TRHR: variants seen among roughly 807,000 people sequenced by gnomAD.
The protein encoded by TRHR is thyrotropin-releasing hormone receptor.
Under a neutral mutation model 28.0 loss-of-function variants are expected in TRHR, and 14 were observed. That is an observed-to-expected ratio of 0.50 (90% CI 0.33 to 0.78). The LOEUF is 0.78. Among genes scored for constraint, TRHR ranks in the 30% least tolerant of loss-of-function variants. The pLI, the probability that TRHR is intolerant of heterozygous loss-of-function variation, is 0.02. For synonymous variants in TRHR, 176 were observed against 171.9 expected (o/e 1.02, Z -0.18); for missense variants, 438 against 469.5 (o/e 0.93, Z 0.62).
chr8:109,104,275 T>G (rs917320421), intron 2 of TRHR, among the ~76,000 whole-genome samples: 1 of 152,126 alleles, frequency 6.6e-6, no homozygotes, highest in African/African-American at 2.4e-5. Context: ...CACTGAGCAA[T>G]ATAAAATATT....
intron 2 of TRHR, among the ~76,000 whole-genome samples, chr8:109,117,441 T>G (rs1418409124): frequency 6.6e-6 from 1 of 151,924 alleles, no homozygotes; most frequent in East Asian, 1.9e-4. Flanking sequence ...TTTTTCAGAT[T>G]ACTTGGGCCA....
chr8:109,119,693 T>G lies in TRHR; in HGVS notation c.*238T>G. On this transcript the variant is annotated 3_prime_UTR_variant, in exon 3 of 3. Coordinates refer to ENST00000518632, the MANE Select transcript of TRHR (RefSeq NM_003301.7). ...TGTGAAATAGCTAAATGATGGAAAC[T>G]TAAAGTTTAGCCCTTTTCATTTAAC... 1 of 491,400 alleles carries G rather than the reference T, an allele frequency of 2.0e-6. No individual in the cohort carries two copies. Among genetic ancestry groups the G allele is most frequent in the South Asian group, 3.4e-5 (1 of 29,338 alleles). 30.4% of individuals were successfully genotyped at this position (491,400 alleles called of 1,614,324 possible). A position where few individuals can be genotyped will look rare whatever the true frequency, so the allele number is the denominator to read the frequency against.
chr8:109,103,746 A>C (rs1811710914), intron 2 of TRHR, among the ~76,000 whole-genome samples: 1 of 152,132 alleles, frequency 6.6e-6, no homozygotes, highest in African/African-American at 2.4e-5. Flanking sequence ...CTAATGAATA[A>C]CAGTTTCTGT....
chr8:109,106,439 T>C (rs535130808), intron 2 of TRHR, among the ~76,000 whole-genome samples: 9 of 152,180 alleles, frequency 5.9e-5, no homozygotes, highest in African/African-American at 9.6e-5. Context: ...ATAAATCATA[T>C]TGAGTTAGCA....
At chr8:109,110,073 C>T (rs149308938) in intron 2 of TRHR, among the ~76,000 whole-genome samples, 102 of 152,322 alleles carry the variant, frequency 6.7e-4, no homozygotes, top group African/African-American at 2.4e-3. Flanking sequence ...CCTACTGGTG[C>T]ATGCAGCCCC....
At chr8:109,093,542 A>ATT (rs1811545518) in intron 2 of TRHR, among the ~76,000 whole-genome samples, 1 of 148,370 alleles carries the variant, frequency 6.7e-6, no homozygotes, top group Admixed American at 6.9e-5. Flanking sequence ...AGTAGCTGGG[A>ATT]TTACAGGCAT....
chr8:109,115,369 G>C (rs925520983), intron 2 of TRHR, among the ~76,000 whole-genome samples: 1 of 152,058 alleles, frequency 6.6e-6, no homozygotes. Flanking sequence ...AGCTTGATGG[G>C]GATGGCATTG....
rs1221836347 is a variant in TRHR, at chr8:109,120,233, A to C, written c.*778A>C. 6.6e-6 allele frequency among the ~76,000 whole-genome samples: 1 copy of C among 151,944 alleles called. No individual in the cohort carries two copies. Among genetic ancestry groups the C allele is most frequent in the Non-Finnish European group, 1.5e-5 (1 of 67,900 alleles). ...CCAGATTAAGTAACTGTGAAGATAC[A>C]AACTAACATACAATTAAATTTGAAA... On this transcript the variant is annotated 3_prime_UTR_variant, in exon 3 of 3. Coordinates refer to ENST00000518632, the MANE Select transcript of TRHR (RefSeq NM_003301.7).
At chr8:109,098,027 G>A (rs888108431) in intron 2 of TRHR, among the ~76,000 whole-genome samples, 2 of 151,968 alleles carry the variant, frequency 1.3e-5, no homozygotes, top group African/African-American at 2.4e-5. Flanking sequence ...TTTTATGACC[G>A]CAGTTCCAGT....
chr8:109,115,984 C>G (rs1323828965), intron 2 of TRHR, among the ~76,000 whole-genome samples: 1 of 152,056 alleles, frequency 6.6e-6, no homozygotes, highest in Non-Finnish European at 1.5e-5. Flanking sequence ...CCATCAATAC[C>G]TAATTTATTG....
At chr8:109,114,286 G>A (rs181711658) in intron 2 of TRHR, among the ~76,000 whole-genome samples, 14 of 151,938 alleles carry the variant, frequency 9.2e-5, no homozygotes, top group Non-Finnish European at 1.9e-4. Flanking sequence ...CTGCAAGCTC[G>A]CTCTCTAAAT....
intron 2 of TRHR, among the ~76,000 whole-genome samples, chr8:109,092,748 T>G (rs1315127621): frequency 6.6e-6 from 1 of 152,134 alleles, no homozygotes; most frequent in African/African-American, 2.4e-5. Context: ...ACAACTTTCC[T>G]TTTTAAAGTA....
intron 2 of TRHR, among the ~76,000 whole-genome samples, chr8:109,117,739 A>T (rs756289106): frequency 2.3e-4 from 35 of 152,022 alleles, no homozygotes; most frequent in Middle Eastern, 3.4e-3. Context: ...ATTTACTTAT[A>T]TATATTTTTT....
intron 2 of TRHR, among the ~76,000 whole-genome samples, chr8:109,107,614 A>G (rs530642707): frequency 2.0e-4 from 30 of 152,308 alleles, no homozygotes; most frequent in Admixed American, 1.3e-3. Context: ...TTGTAGGCTC[A>G]AATTATGTTC....
At chr8:109,110,125 A>G (rs1248717025) in intron 2 of TRHR, among the ~76,000 whole-genome samples, 1 of 152,162 alleles carries the variant, frequency 6.6e-6, no homozygotes, top group East Asian at 1.9e-4. Flanking sequence ...TGTCTTGCTC[A>G]TAAAAGAACC....
At position 109,119,406 on chromosome 8, in the gene TRHR, C is replaced by G; in HGVS notation, c.1148C>G (p.Ser383Cys). ...ACTTACCTGTCTGCCACAAAAGTGTCTTTTGATGACACCTGCTTGGCTTCT... is the reference window on the plus strand; with the variant it reads ...ACTTACCTGTCTGCCACAAAAGTGTGTTTTGATGACACCTGCTTGGCTTCT... The part of the protein sequence containing the change: ...TDTYLSATKV[S>C]FDDTCLASEV... Residue 383 changes from serine to cysteine, a missense_variant, in exon 3 of 3, where the codon TCT (serine) becomes TGT (cysteine). Transcript: ENST00000518632. The G allele has an allele frequency of 1.2e-6, 2 of 1,612,366 alleles. No homozygotes were observed. The highest frequency in any genetic ancestry group is 1.7e-6 in the Non-Finnish European group (2 of 1,178,986).
At position 109,106,353 on chromosome 8, in the gene TRHR, G is replaced by T. The variant is rs557350018; in HGVS notation, c.790-12695G>T. Among the ~76,000 whole-genome samples the T allele has an allele frequency of 5.9e-5, 9 of 152,202 alleles. No homozygotes were observed. In the East Asian group the frequency reaches 1.7e-3, roughly 29 times the overall value. On this transcript the variant is annotated intron_variant, in intron 2 of 2. Transcript: ENST00000518632. Reference sequence around the variant, plus strand: ...GTCAAACTGAGCTTTGTATCTTTTGGAGGCAAATCCCATTTTAGGTTGGTA... The same window carrying T: ...GTCAAACTGAGCTTTGTATCTTTTGTAGGCAAATCCCATTTTAGGTTGGTA...
intron 2 of TRHR, among the ~76,000 whole-genome samples, chr8:109,114,498 C>A (rs1259555140): frequency 6.6e-6 from 1 of 152,016 alleles, no homozygotes; most frequent in Non-Finnish European, 1.5e-5. Context: ...AAGCACTCCA[C>A]GGAGTGTGAC....
intron 2 of TRHR, among the ~76,000 whole-genome samples, chr8:109,106,430 T>A (rs1811753158): frequency 6.6e-6 from 1 of 152,178 alleles, no homozygotes; most frequent in South Asian, 2.1e-4. Flanking sequence ...AAACTTAGCA[T>A]AAATCATATT....
Sources: allele counts gnomAD v4.1 joint callset (sites outside exome capture counted in the v4.1 genomes callset), GRCh38; gene constraint gnomAD v4.1.1; transcripts MANE v1.5; gene names NCBI Gene and HGNC (gene_info 2026-07-23, HGNC 2026-07-21).